Variants in GPI observed in about 807,000 individuals in gnomAD.
GPI encodes D-hexose-6-phosphate anomerase.
A neutral mutation model predicts 75.8 loss-of-function variants in GPI; 56 were observed. That is an observed-to-expected ratio of 0.74 (90% CI 0.60 to 0.92). The LOEUF is 0.92. Ranked by LOEUF, GPI falls within the 40% of genes least tolerant of loss-of-function variation. The pLI, the probability that GPI is intolerant of heterozygous loss-of-function variation, is 0.00. For synonymous variants in GPI, 288 were observed against 285.4 expected (o/e 1.01, Z -0.09); for missense variants, 638 against 741.0 (o/e 0.86, Z 1.61).
At chr19:34,384,533 A>G (rs995414858) in intron 9 of GPI, among the ~76,000 whole-genome samples, 2 of 152,176 alleles carry the variant, frequency 1.3e-5, no homozygotes, top group Non-Finnish European at 2.9e-5. Flanking sequence ...CAAACCAATT[A>G]AACTGTCCTG....
chr19:34,370,540 G>A (rs1285722714), intron 4 of GPI, among the ~76,000 whole-genome samples: 1 of 152,078 alleles, frequency 6.6e-6, no homozygotes, highest in African/African-American at 2.4e-5. Flanking sequence ...TCAACATGGT[G>A]AAACGCCGTC....
Position 34,400,339 on chromosome 19 carries a change from T to C in GPI, c.*303T>C, listed in dbSNP as rs2075004724. The C allele has an allele frequency of 3.4e-6, 2 of 595,742 alleles. No individual in the cohort carries two copies. Among genetic ancestry groups the C allele is most frequent in the Middle Eastern group, 4.5e-4 (1 of 2,236 alleles). 36.9% of individuals were successfully genotyped at this position (595,742 alleles called of 1,614,324 possible). A position where few individuals can be genotyped will look rare whatever the true frequency, so the allele number is the denominator to read the frequency against. The stretch of plus-strand genomic sequence containing the variant: ...AGATGCCACGGAGGAGGTTGTAGGC[T>C]CAGCCTCTGATTTTTTTTTTCCTGT... On this transcript the variant is annotated 3_prime_UTR_variant, in exon 18 of 18. Coordinates refer to ENST00000356487, the MANE Select transcript of GPI (RefSeq NM_000175.5).
Position 34,377,847 on chromosome 19 carries a change from A to G in GPI, c.599A>G (p.Asn200Ser). Reference sequence around the variant, plus strand: ...ATTGCCAAAACCCTGGCCCAGCTGAACCCCGAGTCCTCCCTGTTCATCATT... The same window carrying G: ...ATTGCCAAAACCCTGGCCCAGCTGAGCCCCGAGTCCTCCCTGTTCATCATT... ...THIAKTLAQL[N>S]PESSLFIIAS... The change falls in exon 6 of 18, where the codon AAC (asparagine) becomes AGC (serine). Residue 200 changes from asparagine to serine, a missense_variant. Transcript: ENST00000356487. 6.2e-7 allele frequency: 1 copy of G among 1,613,898 alleles called. No individual in the cohort carries two copies.
intron 12 of GPI, among the ~76,000 whole-genome samples, chr19:34,395,730 G>A (rs1293183407): frequency 2.6e-5 from 4 of 152,126 alleles, no homozygotes; most frequent in Non-Finnish European, 5.9e-5. Context: ...GTCCTCACTG[G>A]TGTGGGGAGG....
intron 3 of GPI, 138 bp from the exon 4 acceptor site, chr19:34,368,445 A>G: frequency 1.1e-6 from 1 of 870,658 alleles, no homozygotes; most frequent in South Asian, 1.6e-5. Flanking sequence ...TCTTGGAACA[A>G]GGTTATGGTG....
rs568982350 is a variant in GPI, at chr19:34,380,000, T to G, written c.750+438T>G. On this transcript the variant is annotated intron_variant, in intron 8 of 17. Coordinates refer to ENST00000356487, the MANE Select transcript of GPI (RefSeq NM_000175.5). ...AGTGTGTGTGGTTTTGTTTTTTTTTTTTTTTTTTTTTTTTTTAAGACAGTC... is the reference window on the plus strand; with the variant it reads ...AGTGTGTGTGGTTTTGTTTTTTTTTGTTTTTTTTTTTTTTTTAAGACAGTC... 6.3e-4 allele frequency: 131 copies of G among 208,742 alleles called. 1 individual carries two copies. The highest frequency in any genetic ancestry group is 9.5e-4 in the Non-Finnish European group (101 of 106,598). 12.9% of individuals were successfully genotyped at this position (208,742 alleles called of 1,614,324 possible). A position where few individuals can be genotyped will look rare whatever the true frequency, so the allele number is the denominator to read the frequency against.
chr19:34,387,366 G>T (rs1439334558), intron 9 of GPI, among the ~76,000 whole-genome samples: 2 of 152,152 alleles, frequency 1.3e-5, no homozygotes, highest in Non-Finnish European at 2.9e-5. Flanking sequence ...CAGTGAGTCT[G>T]TGGATCCAGG....
intron 9 of GPI, among the ~76,000 whole-genome samples, chr19:34,382,026 C>A (rs553575911): frequency 1.3e-5 from 2 of 152,130 alleles, no homozygotes; most frequent in Non-Finnish European, 2.9e-5. Flanking sequence ...ACAGGGCTGC[C>A]GACCCCTCTG....
chr19:34,365,433 A>C (rs2074345225), intron 1 of GPI, 45 bp downstream of exon 1: 1 of 1,519,450 alleles, frequency 6.6e-7, no homozygotes, highest in Admixed American at 2.0e-5. Flanking sequence ...CGGCGCCCGG[A>C]ACCGGGCACG....
rs2074945631 is a variant in GPI at position 34,396,417 on chromosome 19, G to C, written c.1179G>C (p.Gln393His). 2.5e-6 allele frequency: 4 copies of C among 1,614,068 alleles called. No homozygotes were observed. Among genetic ancestry groups the C allele is most frequent in the African/African-American group, 1.3e-5 (1 of 74,936 alleles). Residue 393 changes from glutamine to histidine, a missense_variant, in exon 13 of 18, where the codon CAG becomes CAC. Coordinates refer to ENST00000356487, the MANE Select transcript of GPI (RefSeq NM_000175.5). ...PGTNGQHAFY[Q>H]LIHQGTKMIP... Reference sequence around the variant, plus strand: ...CCAATGGCCAGCATGCTTTTTACCAGCTCATCCACCAAGGTAGGCCCCTGT... The same window carrying C: ...CCAATGGCCAGCATGCTTTTTACCACCTCATCCACCAAGGTAGGCCCCTGT...
At position 34,393,955 on chromosome 19, in the gene GPI, C is replaced by T. The variant is rs369354841; in HGVS notation, c.951C>T (p.Pro317=). ...CGACGCCCCTGGAGAAGAACGCCCC[C>T]GTCTTGCTGGCCCTGCTGGGTATCT... ...FRTTPLEKNA[P]VLLALLGIWY... is the part of the protein sequence containing the mutation. The change falls in exon 12 of 18, where the codon CCC becomes CCT. Residue 317 remains proline, a synonymous_variant. Coordinates refer to ENST00000356487, the MANE Select transcript of GPI (RefSeq NM_000175.5). This position sits in a 1 kb window ranked among gnomAD's most constrained non-coding sequence, Gnocchi z 4.4. 2.0e-5 allele frequency: 32 copies of T among 1,613,772 alleles called. No individual in the cohort carries two copies. The highest frequency in any genetic ancestry group is 9.9e-5 in the South Asian group (9 of 91,078).
chr19:34,365,189 G>C, upstream of GPI: 4 of 1,327,034 alleles, frequency 3.0e-6, no homozygotes, highest in East Asian at 1.2e-4. Flanking sequence ...GCGCGCCCAC[G>C]CGCCTCGCTT....
At chr19:34,379,830 C>T (rs1376319673) in intron 8 of GPI, 1 of 593,332 alleles carries the variant, frequency 1.7e-6, no homozygotes, top group South Asian at 1.9e-5. Flanking sequence ...ATACACAGAA[C>T]CCTTCATACA....
At chr19:34,378,799 G>A (rs1476931592) in intron 6 of GPI, 135 bp from the exon 7 acceptor site, 8 of 728,720 alleles carry the variant, frequency 1.1e-5, no homozygotes, top group South Asian at 7.3e-5. Context: ...GTTATGTGGC[G>A]TCACTGTCAC....
At chr19:34,396,996 A>AG (rs996661584) in intron 14 of GPI, among the ~76,000 whole-genome samples, 19 of 152,210 alleles carry the variant, frequency 1.2e-4, no homozygotes, top group South Asian at 6.2e-4. Context: ...GTTTTGGTAA[A>AG]GGGGGGGTTT....
chr19:34,380,270 A>G (rs930776540), intron 8 of GPI, among the ~76,000 whole-genome samples: 1 of 150,318 alleles, frequency 6.7e-6, no homozygotes, highest in Non-Finnish European at 1.5e-5. Flanking sequence ...TGCTGGGATT[A>G]CAGGTGTGTG....
chr19:34,366,562 T>A (rs1395667549), intron 2 of GPI, 127 bp downstream of exon 2: 2 of 793,850 alleles, frequency 2.5e-6, no homozygotes, highest in Non-Finnish European at 4.5e-6. Context: ...TCACCTCCTC[T>A]GTGCTGGTGA....
chr19:34,365,901 A>G (rs1274316498), intron 1 of GPI: 2 of 473,222 alleles, frequency 4.2e-6, no homozygotes, highest in Non-Finnish European at 4.2e-6. Flanking sequence ...GGAAGTGGGA[A>G]GGAGTGTTTG....
upstream of GPI, among the ~76,000 whole-genome samples, chr19:34,362,005 C>T (rs1400322865): frequency 1.3e-5 from 2 of 151,406 alleles, no homozygotes; most frequent in African/African-American, 2.4e-5. Flanking sequence ...ATCTCAGCTA[C>T]TCGGGAGGCT....
Sources: gnomAD v4.1 joint callset for allele counts (sites outside exome capture counted in the v4.1 genomes callset) on GRCh38, gnomAD v4.1.1 for gene constraint, Gnocchi (gnomAD v3.1) non-coding constraint, MANE v1.5 for transcripts, NCBI Gene and HGNC (gene_info 2026-07-23, HGNC 2026-07-21) for gene names.